Variants in GRM7 observed in about 807,000 individuals in gnomAD.
GRM7 encodes glutamate metabotropic receptor 7.
A neutral mutation model predicts 84.5 loss-of-function variants in GRM7; 35 were observed. The observed-to-expected ratio is 0.41, with a 90% CI of 0.32 to 0.55. The LOEUF (loss-of-function observed/expected upper bound fraction) is 0.55, where lower values mean the gene tolerates loss of function less well. Ranked by LOEUF, GRM7 falls within the 20% of genes least tolerant of loss-of-function variation. The pLI is 0.19. For synonymous variants in GRM7, 487 were observed against 455.1 expected (o/e 1.07, Z -0.89); for missense variants, 1,003 against 1,194.6 (o/e 0.84, Z 2.36).
At chr3:7,484,552 G>C (rs1699251627) in intron 7 of GRM7, among the ~76,000 whole-genome samples, 1 of 152,128 alleles carries the variant, frequency 6.6e-6, no homozygotes, top group Admixed American at 6.6e-5. Context: ...TGATTGTAAA[G>C]ATAATCAAAG....
At chr3:6,906,777 A>C (rs1355787772) in intron 1 of GRM7, among the ~76,000 whole-genome samples, 3 of 152,174 alleles carry the variant, frequency 2.0e-5, no homozygotes, top group Non-Finnish European at 4.4e-5. Flanking sequence ...TGTACAAAGA[A>C]TTAAATTTGA....
intron 1 of GRM7, among the ~76,000 whole-genome samples, chr3:6,944,116 G>T (rs962627221): frequency 1.3e-5 from 2 of 151,696 alleles, no homozygotes; most frequent in African/African-American, 4.8e-5. Context: ...TGACCATACC[G>T]TCTTCAAATA....
chr3:7,440,843 T>G (rs1697258361), intron 5 of GRM7, among the ~76,000 whole-genome samples: 1 of 152,194 alleles, frequency 6.6e-6, no homozygotes, highest in Non-Finnish European at 1.5e-5. Flanking sequence ...TTTTTATGGA[T>G]GTACAGTATT....
intron 2 of GRM7, among the ~76,000 whole-genome samples, chr3:7,159,744 G>A (rs755817688): frequency 1.3e-5 from 2 of 152,154 alleles, no homozygotes; most frequent in Non-Finnish European, 2.9e-5. Context: ...ATCTGTCTGT[G>A]TCAGGACGTA....
At chr3:7,583,317 C>T (rs940494528) in intron 8 of GRM7, among the ~76,000 whole-genome samples, 1 of 152,118 alleles carries the variant, frequency 6.6e-6, no homozygotes, top group African/African-American at 2.4e-5. Flanking sequence ...ACAGATAGCC[C>T]CTCAGAATCT....
chr3:7,043,258 A>G (rs7613125), intron 1 of GRM7, among the ~76,000 whole-genome samples: 22,444 of 152,030 alleles, frequency 0.15, 2,635 homozygotes, highest in African/African-American at 0.32. Context: ...TCCTAATGAA[A>G]ATCTTCAGAG....
At chr3:7,293,284 C>T (rs573385059) in intron 2 of GRM7, among the ~76,000 whole-genome samples, 8 of 152,252 alleles carry the variant, frequency 5.3e-5, no homozygotes, top group African/African-American at 1.9e-4. Context: ...TGAGATTCTT[C>T]TTGTTGCTAA....
At chr3:7,690,767 G>C (rs1379976888) in intron 9 of GRM7, among the ~76,000 whole-genome samples, 1 of 152,078 alleles carries the variant, frequency 6.6e-6, no homozygotes, top group African/African-American at 2.4e-5. Context: ...ATTCTAATTT[G>C]GTAAACACAA....
At chr3:7,550,986 C>A (rs1213762940) in intron 7 of GRM7, among the ~76,000 whole-genome samples, 1 of 152,144 alleles carries the variant, frequency 6.6e-6, no homozygotes, top group Non-Finnish European at 1.5e-5. Context: ...CCCCATTCAT[C>A]TTCCTATGGG....
intron 1 of GRM7, among the ~76,000 whole-genome samples, chr3:6,929,972 G>A (rs566880140): frequency 6.6e-6 from 1 of 152,250 alleles, no homozygotes; most frequent in South Asian, 2.1e-4. Context: ...CGTGGTGTCT[G>A]GAGTAATCAT....
At chr3:7,318,658 A>G (rs1256427607) in intron 4 of GRM7, among the ~76,000 whole-genome samples, 1 of 152,024 alleles carries the variant, frequency 6.6e-6, no homozygotes, top group Non-Finnish European at 1.5e-5. Flanking sequence ...TAAGATGGGC[A>G]TTTTTTAGGC....
chr3:7,704,565 A>C (rs1251108107), intron 9 of GRM7, among the ~76,000 whole-genome samples: 2 of 152,226 alleles, frequency 1.3e-5, no homozygotes. Context: ...TTTTAATCCT[A>C]TCCAAGCTTT....
chr3:6,994,788 T>C (rs1694775250), intron 1 of GRM7, among the ~76,000 whole-genome samples: 1 of 152,250 alleles, frequency 6.6e-6, no homozygotes, highest in Non-Finnish European at 1.5e-5. Context: ...GTAGGTGCTT[T>C]AAAAATAATT....
At chr3:7,447,736 TTAA>T (rs1241703787) in intron 5 of GRM7, among the ~76,000 whole-genome samples, 5 of 135,696 alleles carry the variant, frequency 3.7e-5, no homozygotes, top group African/African-American at 1.3e-4. Context: ...TCTTTTTTTT[TTAA>T]TATTTATTTT....
chr3:7,331,377 G>A (rs1477841131), intron 4 of GRM7, among the ~76,000 whole-genome samples: 1 of 151,724 alleles, frequency 6.6e-6, no homozygotes, highest in African/African-American at 2.4e-5. Flanking sequence ...TTTCCTTGAA[G>A]AGCAGAATTA....
intron 1 of GRM7, among the ~76,000 whole-genome samples, chr3:6,871,634 A>G (rs1695123401): frequency 6.6e-6 from 1 of 152,076 alleles, no homozygotes; most frequent in Admixed American, 6.6e-5. Context: ...TTCCATTTTC[A>G]TTTGGCTACC....
Position 7,692,279 on chromosome 3 carries a change from G to A in GRM7, c.2698+11984G>A, listed in dbSNP as rs1566814. On this transcript the variant is annotated intron_variant, in intron 9 of 9. Transcript: ENST00000357716. ...TAACTTCGACAGGTAGCTCCTGGCCGGCTGGCAAGCTGAAGAGCATTTTAA... is the reference window on the plus strand; with the variant it reads ...TAACTTCGACAGGTAGCTCCTGGCCAGCTGGCAAGCTGAAGAGCATTTTAA... Among the ~76,000 whole-genome samples the A allele has an allele frequency of 1.4e-4, 21 of 152,268 alleles. No individual in the cohort carries two copies. The South Asian group carries it at 2.3e-3, about 17-fold the overall frequency.
chr3:6,949,318 T>A (rs1692603654), intron 1 of GRM7, among the ~76,000 whole-genome samples: 1 of 152,186 alleles, frequency 6.6e-6, no homozygotes, highest in Non-Finnish European at 1.5e-5. Flanking sequence ...TTTATGAAGC[T>A]TAGTTTGGCT....
chr3:7,038,908 T>G (rs1696487275), intron 1 of GRM7, among the ~76,000 whole-genome samples: 1 of 152,116 alleles, frequency 6.6e-6, no homozygotes, highest in Admixed American at 6.5e-5. Context: ...CCGATAGGTT[T>G]CTCAGAGTGG....
Sources: allele counts gnomAD v4.1 joint callset (sites outside exome capture counted in the v4.1 genomes callset), GRCh38; gene constraint gnomAD v4.1.1; transcripts MANE v1.5; gene names NCBI Gene and HGNC (gene_info 2026-07-23, HGNC 2026-07-21).